The following VWA2 variants were observed in gnomAD, a reference collection of about 807,000 sequenced individuals.
VWA2 encodes the protein von Willebrand factor A domain containing 2, also known as von Willebrand factor A domain-containing protein 2.
In VWA2, 73 loss-of-function variants were observed where a neutral mutation model predicts 70.4. The ratio of observed to expected loss-of-function variants is 1.04; its 90% CI spans 0.86 to 1.26. VWA2 has a LOEUF of 1.26. Ranked by LOEUF, VWA2 falls within the 50% of genes most tolerant of loss-of-function variation. The pLI is 0.00. For synonymous variants in VWA2, 407 were observed against 423.3 expected, an observed-to-expected ratio of 0.96 and a Z score of 0.47; for missense variants, 1,011 against 998.5, an observed-to-expected ratio of 1.01 and a Z score of -0.17.
At chr10:114,242,135 C>G (rs908395684) in intron 1 of VWA2, among the ~76,000 whole-genome samples, 1 of 152,136 alleles carries the variant, frequency 6.6e-6, no homozygotes, top group Non-Finnish European at 1.5e-5. Flanking sequence ...TACCCTCGGT[C>G]CTCCCCTTCC....
intron 5 of VWA2, 59 bp downstream of exon 5, chr10:114,261,354 C>T: frequency 6.9e-7 from 1 of 1,442,624 alleles, no homozygotes; most frequent in Non-Finnish European, 9.7e-7. Context: ...TAAAATTGCT[C>T]CCTTGAAGGG....
At chr10:114,263,327 C>CTT (rs1564720569) in intron 5 of VWA2, among the ~76,000 whole-genome samples, 272 of 121,744 alleles carry the variant, frequency 2.2e-3, no homozygotes, top group African/African-American at 8.2e-3. Context: ...GAATCTCCCC[C>CTT]ATTTTTTTTT....
chr10:114,243,840 A>C (rs2037016431), intron 1 of VWA2, among the ~76,000 whole-genome samples: 1 of 152,210 alleles, frequency 6.6e-6, no homozygotes, highest in Non-Finnish European at 1.5e-5. Flanking sequence ...ATCCTGCAGC[A>C]GACTTCACAT....
intron 5 of VWA2, among the ~76,000 whole-genome samples, chr10:114,267,418 G>T (rs2037595207): frequency 6.7e-6 from 1 of 148,732 alleles, no homozygotes; most frequent in African/African-American, 2.5e-5. Context: ...CGCCGGCTGG[G>T]TTTTCTTATG....
At position 114,289,183 on chromosome 10, in the gene VWA2, G is replaced by A. The variant is rs2039282717; in HGVS notation, c.1816G>A (p.Gly606Arg). ...CATTAGCCAGGCCCCCTACCTAGGTGGGGTGGGCTCAGCCGGCACCGCCCT... is the reference window on the plus strand; with the variant it reads ...CATTAGCCAGGCCCCCTACCTAGGTAGGGTGGGCTCAGCCGGCACCGCCCT... ...RAISQAPYLGGVGSAGTALLH... is the reference protein window; with the variant it reads ...RAISQAPYLGRVGSAGTALLH... The change falls in exon 12 of 14, where the codon GGG (glycine) becomes AGG (arginine). Residue 606 changes from glycine (G) to arginine (R), a missense_variant. Transcript: ENST00000392982. The A allele has an allele frequency of 1.2e-6, 2 of 1,613,532 alleles. No individual in the cohort carries two copies. Among genetic ancestry groups the A allele is most frequent in the Admixed American group, 1.7e-5 (1 of 59,970 alleles).
chr10:114,265,752 C>T (rs893967526), intron 5 of VWA2, among the ~76,000 whole-genome samples: 7 of 152,170 alleles, frequency 4.6e-5, no homozygotes, highest in African/African-American at 1.7e-4. Flanking sequence ...ATGAAGACTT[C>T]TTATGTGTCT....
intron 3 of VWA2, among the ~76,000 whole-genome samples, chr10:114,254,376 T>C (rs1331166264): frequency 2.6e-5 from 4 of 152,114 alleles, no homozygotes; most frequent in Non-Finnish European, 4.4e-5. Flanking sequence ...CCAGCCTCAG[T>C]AAATCTTTAT....
intron 1 of VWA2, among the ~76,000 whole-genome samples, chr10:114,242,467 G>A (rs1231728662): frequency 6.6e-6 from 1 of 152,122 alleles, no homozygotes; most frequent in Non-Finnish European, 1.5e-5. Flanking sequence ...ACGTGCCTCT[G>A]TGTACCAGTG....
chr10:114,250,620 G>T (rs750006866), intron 2 of VWA2, among the ~76,000 whole-genome samples: 77 of 152,252 alleles, frequency 5.1e-4, no homozygotes, highest in Non-Finnish European at 7.5e-4. Context: ...CTGTTTCCTG[G>T]AACCTAGCGA....
intron 3 of VWA2, 77 bp from the exon 4 acceptor site, chr10:114,254,838 T>G (rs1215506187): frequency 1.3e-6 from 2 of 1,571,116 alleles, no homozygotes; most frequent in African/African-American, 2.7e-5. Context: ...ACCACAAGGC[T>G]GTTTGTGCCT....
chr10:114,277,167 T>G (rs2037864021), intron 6 of VWA2, among the ~76,000 whole-genome samples: 1 of 139,372 alleles, frequency 7.2e-6, no homozygotes, highest in East Asian at 2.1e-4. Context: ...TGACTGCACG[T>G]CTTTTTTTTT....
At chr10:114,240,512 C>T (rs959655573) in intron 1 of VWA2, among the ~76,000 whole-genome samples, 2 of 152,204 alleles carry the variant, frequency 1.3e-5, no homozygotes, top group South Asian at 2.1e-4. Context: ...ATAATTAGAA[C>T]GTGTACATTT....
At chr10:114,242,442 A>ATGCCTCTGTGTACCACG (rs1204257083) in intron 1 of VWA2, among the ~76,000 whole-genome samples, 16 of 152,228 alleles carry the variant, frequency 1.1e-4, no homozygotes, top group African/African-American at 3.9e-4. Context: ...CTGCATGCCG[A>ATGCCTCTGTGTACCACG]TGCCTCTGTG....
intron 2 of VWA2, among the ~76,000 whole-genome samples, chr10:114,250,244 TCAC>T (rs2037167825): frequency 6.6e-6 from 1 of 152,250 alleles, no homozygotes; most frequent in Admixed American, 6.5e-5. Context: ...CATTCTTTAT[TCAC>T]CACTATATTA....
chr10:114,278,602 G>C (rs748409001), intron 7 of VWA2, 117 bp from the exon 8 acceptor site: 1 of 1,470,852 alleles, frequency 6.8e-7, no homozygotes, highest in Non-Finnish European at 9.3e-7. Flanking sequence ...AAAGTGGCCA[G>C]CCTGGAAGTG....
rs151238811 is a variant in VWA2 at position 114,286,336 on chromosome 10, G to T, written c.1395G>T (p.Ala465=). The T allele has an allele frequency of 6.8e-6, 11 of 1,613,200 alleles. No individual in the cohort carries two copies. The highest frequency in any genetic ancestry group is 9.3e-6 in the Non-Finnish European group (11 of 1,179,672). Residue 465 remains alanine, a synonymous_variant, in exon 11 of 14, where the codon GCG becomes GCT. Coordinates refer to ENST00000392982, the MANE Select transcript of VWA2 (RefSeq NM_001272046.2). ...SHSEDEVAGP[A]RHARARELLL... ...CCGAGGATGAGGTTGCGGGCCCAGC[G>T]CGTCACGCAAGGGCGCGAGAGCTGC...
chr10:114,251,820 A>ATTTTTT (rs1219307995), intron 2 of VWA2, among the ~76,000 whole-genome samples: 1 of 120,894 alleles, frequency 8.3e-6, no homozygotes, highest in African/African-American at 3.2e-5. Flanking sequence ...AAAACCTGTA[A>ATTTTTT]TTTTTTTTTT....
rs775815372 is a variant in VWA2 at position 114,286,327 on chromosome 10, G to A, written c.1386G>A (p.Ala462=). The change falls in exon 11 of 14, where the codon GCG becomes GCA. Residue 462 remains alanine (A), a synonymous_variant. Transcript: ENST00000392982. The part of the protein sequence containing the change: ...LTESHSEDEV[A]GPARHARARE... ...AGTCACACTCCGAGGATGAGGTTGC[G>A]GGCCCAGCGCGTCACGCAAGGGCGC... is the stretch of plus-strand genomic sequence containing the variant. 27 of 1,612,628 alleles carry A rather than the reference G, an allele frequency of 1.7e-5. No individual in the cohort carries two copies. The highest frequency in any genetic ancestry group is 4.4e-5 in the South Asian group (4 of 90,944).
At chr10:114,277,227 A>C (rs2037866676) in intron 6 of VWA2, among the ~76,000 whole-genome samples, 1 of 115,054 alleles carries the variant, frequency 8.7e-6, no homozygotes, top group African/African-American at 3.4e-5. Context: ...TCTGTTGCCC[A>C]GGCTGGATTG....
Sources: allele counts gnomAD v4.1 joint callset (sites outside exome capture counted in the v4.1 genomes callset), GRCh38; gene constraint gnomAD v4.1.1; transcripts MANE v1.5; gene names NCBI Gene and HGNC (gene_info 2026-07-23, HGNC 2026-07-21).